Variants in EFCAB13 observed in about 807,000 individuals in gnomAD.
EFCAB13 encodes EF-hand calcium binding domain 13.
A neutral mutation model predicts 110.2 loss-of-function variants in EFCAB13; 91 were observed. The observed-to-expected ratio is 0.83, with a 90% confidence interval of 0.70 to 0.98. EFCAB13 has a LOEUF of 0.98. Among genes scored for constraint, EFCAB13 ranks in the 50% least tolerant of loss-of-function variants. The probability of loss-of-function intolerance (pLI) is 0.00; values close to 1 mark genes in which losing one functional copy is unlikely to be tolerated. For missense variants in EFCAB13, 968 were observed against 1,119.4 expected (o/e 0.86, Z 1.93); for synonymous variants, 323 against 369.9 (o/e 0.87, Z 1.45).
chr17:47,362,335 G>C (rs1031084224), intron 10 of EFCAB13, among the ~76,000 whole-genome samples: 1 of 152,140 alleles, frequency 6.6e-6, no homozygotes, highest in Non-Finnish European at 1.5e-5. Context: ...GAAGACAGGA[G>C]TGTGAGCCTT....
intron 5 of EFCAB13, among the ~76,000 whole-genome samples, chr17:47,336,932 T>C (rs2065354742): frequency 6.6e-6 from 1 of 152,176 alleles, no homozygotes; most frequent in African/African-American, 2.4e-5. Context: ...TTATGTCACT[T>C]TATCTTTAAC....
intron 10 of EFCAB13, among the ~76,000 whole-genome samples, chr17:47,367,868 G>A (rs1173402665): frequency 6.6e-6 from 1 of 152,172 alleles, no homozygotes; most frequent in Admixed American, 6.5e-5. Context: ...CCAGGCCTGG[G>A]AAAGCAAAGT....
chr17:47,378,038 A>G, intron 13 of EFCAB13, 135 bp downstream of exon 13: 1 of 825,454 alleles, frequency 1.2e-6, no homozygotes, highest in East Asian at 3.3e-5. Context: ...AAATTCAGAT[A>G]TAAAAATGGA....
At chr17:47,440,317 G>T (rs1261523052) in intron 24 of EFCAB13, 114 bp from the exon 25 acceptor site, 66 of 1,063,874 alleles carry the variant, frequency 6.2e-5, no homozygotes, top group Non-Finnish European at 7.4e-5. Context: ...AAATAGCCCA[G>T]CCTTACTCTC....
In EFCAB13 at chr17:47,441,217, T is replaced by G. The variant is rs62076510; in HGVS notation, c.*503T>G. 17,988 of 152,242 alleles carry G rather than the reference T, an allele frequency of 0.12. 1,411 individuals are homozygous for G. The highest frequency in any genetic ancestry group is 0.17 in the Non-Finnish European group (11,633 of 68,026). The allele number at this position is 152,242 out of a possible 1,614,324, so 9.4% of individuals were successfully genotyped here. ...GAATTTACTTTGTTTATACTCTCAT[T>G]TATACTACCAACCCTCCCTAGAAAA... is the stretch of plus-strand genomic sequence containing the variant. On this transcript the variant is annotated 3_prime_UTR_variant, in exon 25 of 25. Transcript: ENST00000331493.
intron 9 of EFCAB13, among the ~76,000 whole-genome samples, chr17:47,351,325 G>GCATGCGCGCA (rs1340706457): frequency 1.3e-5 from 2 of 150,632 alleles, no homozygotes; most frequent in Non-Finnish European, 3.0e-5. Flanking sequence ...GCGCGCGCGC[G>GCATGCGCGCA]CGCCACGTTT....
chr17:47,371,504 C>T (rs1335338821), intron 11 of EFCAB13, among the ~76,000 whole-genome samples: 2 of 152,058 alleles, frequency 1.3e-5, no homozygotes, highest in Admixed American at 1.3e-4. Flanking sequence ...AGTGTATATT[C>T]TTGACTGCTT....
Position 47,379,405 on chromosome 17 carries a change from A to G in EFCAB13, c.1582+152A>G, listed in dbSNP as rs574568224. 6.0e-5 allele frequency: 35 copies of G among 580,886 alleles called. No individual in the cohort carries two copies. The South Asian group carries it at 7.5e-4, about 13-fold the overall frequency. The allele number at this position is 580,886 out of a possible 1,614,324, so 36.0% of individuals were successfully genotyped here. ...AGTTGCCAGTTTTTAAAAACTTGCT[A>G]TATCAGAGTAATAATAGCTAACTTG... On this transcript the variant is annotated intron_variant, in intron 14 of 24. Transcript: ENST00000331493.
chr17:47,398,371 CT>C (rs1284941400), intron 17 of EFCAB13, among the ~76,000 whole-genome samples: 4 of 151,108 alleles, frequency 2.6e-5, no homozygotes, highest in Admixed American at 2.6e-4. Context: ...TACCCAACAG[CT>C]CATTGAGAAC....
intron 9 of EFCAB13, among the ~76,000 whole-genome samples, chr17:47,359,355 TA>T (rs1567787051): frequency 6.6e-6 from 1 of 151,578 alleles, no homozygotes; most frequent in South Asian, 2.1e-4. Context: ...ATTAATTAAT[TA>T]AAAAAAAGAC....
At chr17:47,392,564 A>T (rs1203971306) in intron 15 of EFCAB13, among the ~76,000 whole-genome samples, 1 of 152,134 alleles carries the variant, frequency 6.6e-6, no homozygotes, top group Admixed American at 6.5e-5. Flanking sequence ...GAAATTTACC[A>T]ATAGGACAAG....
At chr17:47,384,453 TA>T (rs1447120496) in intron 14 of EFCAB13, among the ~76,000 whole-genome samples, 1 of 151,874 alleles carries the variant, frequency 6.6e-6, no homozygotes, top group African/African-American at 2.4e-5. Context: ...TGGCTGGTAT[TA>T]AGAAAGTTTT....
At chr17:47,396,050 G>A (rs1172186995) in intron 17 of EFCAB13, 73 bp downstream of exon 17, 2 of 1,369,596 alleles carry the variant, frequency 1.5e-6, no homozygotes, top group African/African-American at 1.4e-5. Flanking sequence ...TCTTGTCATT[G>A]TATCTTGTAC....
At chr17:47,424,562 C>T (rs1301468457) in intron 23 of EFCAB13, among the ~76,000 whole-genome samples, 1 of 152,112 alleles carries the variant, frequency 6.6e-6, no homozygotes, top group Non-Finnish European at 1.5e-5. Flanking sequence ...AAGACTTATT[C>T]CAGTTGCTTT....
intron 10 of EFCAB13, among the ~76,000 whole-genome samples, chr17:47,369,117 A>G (rs1011648772): frequency 1.3e-5 from 2 of 152,198 alleles, no homozygotes; most frequent in African/African-American, 4.8e-5. Flanking sequence ...TATGAACCTG[A>G]TACCAAGTTC....
chr17:47,335,728 G>C (rs913187024), intron 5 of EFCAB13, among the ~76,000 whole-genome samples: 1 of 152,160 alleles, frequency 6.6e-6, no homozygotes, highest in African/African-American at 2.4e-5. Context: ...GGGGAAGGGG[G>C]AGCAAGCATA....
intron 3 of EFCAB13, among the ~76,000 whole-genome samples, chr17:47,326,762 G>C (rs1024317293): frequency 1.3e-5 from 2 of 152,190 alleles, no homozygotes; most frequent in African/African-American, 4.8e-5. Flanking sequence ...GGGGAGACCT[G>C]CATAGATTTC....
At chr17:47,380,919 G>A (rs1289015709) in intron 14 of EFCAB13, among the ~76,000 whole-genome samples, 3 of 128,382 alleles carry the variant, frequency 2.3e-5, no homozygotes, top group African/African-American at 9.0e-5. Context: ...GTCTCACTCT[G>A]TCACCTAGGC....
chr17:47,327,919 T>C (rs75857601), intron 3 of EFCAB13: 5,514 of 231,416 alleles, frequency 0.024, 219 homozygotes, highest in East Asian at 0.17. Flanking sequence ...TATCATGATA[T>C]TTAGCACACA....
Sources: allele counts gnomAD v4.1 joint callset (sites outside exome capture counted in the v4.1 genomes callset), GRCh38; gene constraint gnomAD v4.1.1; transcripts MANE v1.5; gene names NCBI Gene and HGNC (gene_info 2026-07-23, HGNC 2026-07-21).